Variants in RNF25 observed in about 807,000 individuals in gnomAD.
RNF25 encodes ring finger protein 25.
RNF25 carries 32 observed loss-of-function variants against 65.0 expected under a neutral mutation model. The ratio of observed to expected loss-of-function variants is 0.49; its 90% CI spans 0.37 to 0.66. The LOEUF (loss-of-function observed/expected upper bound fraction) is 0.66, where lower values mean the gene tolerates loss of function less well. Among genes scored for constraint, RNF25 ranks in the 30% least tolerant of loss-of-function variants. RNF25 has a pLI of 0.00. For synonymous variants in RNF25, 207 were observed against 221.2 expected, an observed-to-expected ratio of 0.94 and a Z score of 0.57; for missense variants, 493 against 584.8, an observed-to-expected ratio of 0.84 and a Z score of 1.62.
rs1449658063 is a variant in RNF25 at position 218,665,199 on chromosome 2, C to A, written c.622G>T (p.Asp208Tyr). Residue 208 changes from aspartate to tyrosine, a missense_variant, in exon 8 of 10, where the codon GAT (aspartate) becomes TAT (tyrosine). Asp to Tyr is a radical substitution (Grantham distance 160). Coordinates refer to ENST00000295704, the MANE Select transcript of RNF25 (RefSeq NM_022453.3). ...CPVCREPLVYDLASLKAAPEP... is the reference protein window; with the variant it reads ...CPVCREPLVYYLASLKAAPEP... The stretch of plus-strand genomic sequence containing the variant: ...GGGGCTGCTTTCAGTGAGGCAAGAT[C>A]ATACACGAGGGGCTCTCTGCACACT... The A allele has an allele frequency of 6.2e-7, 1 of 1,614,076 alleles. No individual in the cohort carries two copies. Among genetic ancestry groups the A allele is most frequent in the Admixed American group, 1.7e-5 (1 of 60,000 alleles).
chr2:218,668,546 G>T, intron 2 of RNF25, 59 bp downstream of exon 2: 1 of 1,263,892 alleles, frequency 7.9e-7, no homozygotes, highest in Non-Finnish European at 1.2e-6. Context: ...CCCAAATTCA[G>T]CATAGAACCT....
intron 5 of RNF25, among the ~76,000 whole-genome samples, chr2:218,667,600 G>A (rs866951906): frequency 2.0e-5 from 3 of 152,132 alleles, no homozygotes; most frequent in African/African-American, 2.4e-5. Context: ...AGCAAGATGC[G>A]TATCTTTTGC....
At position 218,664,623 on chromosome 2, in the gene RNF25, C is replaced by T; in HGVS notation, c.802-88G>A. On this transcript the variant is annotated intron_variant, in intron 9 of 9. Transcript: ENST00000295704. This position sits in a 1 kb window ranked among gnomAD's most constrained non-coding sequence, Gnocchi z 5.1. ...CCCCTCTCCTACTATCTGGGCTGAC[C>T]ACGATCAGCCTATCATCTTCCTGGT... 1.3e-6 allele frequency: 2 copies of T among 1,576,668 alleles called. No individual in the cohort carries two copies. The highest frequency in any genetic ancestry group is 8.6e-7 in the Non-Finnish European group (1 of 1,156,766).
rs761260613 is a variant in RNF25, at chr2:218,671,939, T to G, written c.32A>C (p.Glu11Ala). ...ATGCCCCCAAAGTTACCAGTCCTCC[T>G]CCCCTGCAGCTGCAGACGCAGACGC... MAASASAAAG[E>A]EDWVLPSEVE... The change falls in exon 1 of 10, where the codon GAG (glutamate) becomes GCG (alanine). Residue 11 changes from glutamate to alanine, a missense_variant. Around this residue, in one of 3 missense-constraint regions of RNF25, gnomAD observed 34 missense variants for 18.6 expected, o/e 1.83. Coordinates refer to ENST00000295704, the MANE Select transcript of RNF25 (RefSeq NM_022453.3). 8.1e-6 allele frequency: 13 copies of G among 1,614,062 alleles called. No individual in the cohort carries two copies. Among genetic ancestry groups the G allele is most frequent in the Non-Finnish European group, 1.1e-5 (13 of 1,180,016 alleles).
In RNF25 at chr2:218,664,951, CAGG is replaced by C. The variant is rs1193200773; in HGVS notation, c.667-81_667-79del. On this transcript the variant is annotated intron_variant, in intron 8 of 9. Coordinates refer to ENST00000295704, the MANE Select transcript of RNF25 (RefSeq NM_022453.3). This position sits in a 1 kb window ranked among gnomAD's most constrained non-coding sequence, Gnocchi z 5.1. ...AACCTCTACTCCTCCCAGGCTGCCTCAGGAGATCTGCACTGGTTTTGCCCCTCA... is the reference window on the plus strand; with the variant it reads ...AACCTCTACTCCTCCCAGGCTGCCTCAGATCTGCACTGGTTTTGCCCCTCA... The C allele has an allele frequency of 4.8e-5, 76 of 1,579,164 alleles. No homozygotes were observed. Among genetic ancestry groups the C allele is most frequent in the Non-Finnish European group, 6.2e-5 (72 of 1,160,648 alleles).
Position 218,668,248 on chromosome 2 carries a change from G to A in RNF25, c.210C>T (p.Val70=). The change falls in exon 3 of 10, where the codon GTC becomes GTT. Residue 70 remains valine (V), a synonymous_variant. Transcript: ENST00000295704. ...QYVCFTLVLQ[V]PAEYPHEVPQ... ...ACAGTAGGGGCTTCACCTCTGCTGG[G>A]ACCTGAAGCACCAGAGTGAAGCAGA... 6.2e-7 allele frequency: 1 copy of A among 1,614,072 alleles called. No homozygotes were observed. The highest frequency in any genetic ancestry group is 1.1e-5 in the South Asian group (1 of 91,078).
chr2:218,667,956 C>G lies in RNF25; in HGVS notation c.313G>C (p.Ala105Pro). 1 of 1,614,188 alleles carries G rather than the reference C, an allele frequency of 6.2e-7. No homozygotes were observed. Among genetic ancestry groups the G allele is most frequent in the Non-Finnish European group, 8.5e-7 (1 of 1,180,028 alleles). The change falls in exon 5 of 10, where the codon GCC (alanine) becomes CCC (proline). Residue 105 changes from alanine to proline, a missense_variant. Ala to Pro is a conservative substitution (Grantham distance 27). Around this residue, in one of 3 missense-constraint regions of RNF25, gnomAD observed 108 missense variants for 166.0 expected, o/e 0.65. Transcript: ENST00000295704. The stretch of plus-strand genomic sequence containing the variant: ...ATGGCAGTGCCCAGCCCAGCCTTGG[C>G]CACGTGGCCCAGCACCTGTAAGATC... ...HTILQVLGHV[A>P]KAGLGTAMLY... is the part of the protein sequence containing the mutation.
rs1245267539 is a variant in RNF25 at position 218,664,382 on chromosome 2, T to C, written c.955A>G (p.Ile319Val). ...PVATQHICEK[I>V]PGTRSNQQRL... is the part of the protein sequence containing the mutation. ...TGCTGATTTGACCTGGTCCCTGGAA[T>C]CTTCTCACATATGTGCTGGGTCGCC... The change falls in exon 10 of 10, where the codon ATT becomes GTT. Residue 319 changes from isoleucine (I) to valine (V), a missense_variant. Transcript: ENST00000295704. The surrounding 1 kb of genome is among the most constrained non-coding windows in gnomAD (Gnocchi z 5.1). 1 of 1,614,152 alleles carries C rather than the reference T, an allele frequency of 6.2e-7. No individual in the cohort carries two copies. The highest frequency in any genetic ancestry group is 2.2e-5 in the East Asian group (1 of 44,874).
rs1939794446 is a variant in RNF25, at chr2:218,665,163, G to T, written c.658C>A (p.Gln220Lys). 7 of 1,614,176 alleles carry T rather than the reference G, an allele frequency of 4.3e-6. No homozygotes were observed. In the East Asian group the frequency reaches 1.3e-4, roughly 31 times the overall value. The change falls in exon 8 of 10, where the codon CAG becomes AAG. Residue 220 changes from glutamine (Q) to lysine (K), a missense_variant. Gln to Lys is a moderately conservative substitution (Grantham distance 53). Coordinates refer to ENST00000295704, the MANE Select transcript of RNF25 (RefSeq NM_022453.3). ...GAAAAAAGTCTCCTTACCATGGGCT[G>T]TTGGGGTTCAGGGGCTGCTTTCAGT... ...ASLKAAPEPQ[Q>K]PMELYQPSAE...
intron 1 of RNF25, among the ~76,000 whole-genome samples, chr2:218,669,036 C>G (rs751767531): frequency 6.6e-6 from 1 of 152,204 alleles, no homozygotes; most frequent in Non-Finnish European, 1.5e-5. Flanking sequence ...AGATATGGCA[C>G]TCATTCATTA....
At chr2:218,665,374 T>G in intron 7 of RNF25, 127 bp from the exon 8 acceptor site, 1 of 751,858 alleles carries the variant, frequency 1.3e-6, no homozygotes, top group Non-Finnish European at 2.2e-6. Flanking sequence ...CAGCAGTGAG[T>G]TGGGACAGAG....
At chr2:218,669,776 C>T (rs1413602841) in intron 1 of RNF25, among the ~76,000 whole-genome samples, 4 of 152,184 alleles carry the variant, frequency 2.6e-5, no homozygotes, top group Admixed American at 1.3e-4. Flanking sequence ...AAGTCTTAGG[C>T]AGAAACTTCA....
chr2:218,664,851 T>C lies in RNF25; in HGVS notation c.689A>G (p.Glu230Gly), dbSNP rs752596093. Residue 230 changes from glutamate (E) to glycine (G), a missense_variant, in exon 9 of 10, where the codon GAG becomes GGG. Physicochemically the swap from Glu to Gly is moderately conservative, Grantham distance 98. Around this residue, in one of 3 missense-constraint regions of RNF25, gnomAD observed 351 missense variants for 400.2 expected, o/e 0.88. Coordinates refer to ENST00000295704, the MANE Select transcript of RNF25 (RefSeq NM_022453.3). This position sits in a 1 kb window ranked among gnomAD's most constrained non-coding sequence, Gnocchi z 5.1. Reference sequence around the variant, plus strand: ...GCGTTCTTCTTGCTGGCGCAAGCTCTCTGCACTGGGCTGGTACAGCTCCTG... The same window carrying C: ...GCGTTCTTCTTGCTGGCGCAAGCTCCCTGCACTGGGCTGGTACAGCTCCTG... ...QPMELYQPSA[E>G]SLRQQEERKR... 1 of 1,614,236 alleles carries C rather than the reference T, an allele frequency of 6.2e-7. No individual in the cohort carries two copies.
rs1939770954 is a variant in RNF25 at position 218,664,402 on chromosome 2, G to A, written c.935C>T (p.Thr312Ile). The change falls in exon 10 of 10, where the codon ACC (threonine) becomes ATC (isoleucine). Residue 312 changes from threonine to isoleucine, a missense_variant. Physicochemically the swap from Thr to Ile is moderately conservative, Grantham distance 89 (BLOSUM62 -1). Coordinates refer to ENST00000295704, the MANE Select transcript of RNF25 (RefSeq NM_022453.3). This position sits in a 1 kb window ranked among gnomAD's most constrained non-coding sequence, Gnocchi z 5.1. ...STLPPPLPVATQHICEKIPGT... is the reference protein window; with the variant it reads ...STLPPPLPVAIQHICEKIPGT... ...TGGAATCTTCTCACATATGTGCTGG[G>A]TCGCCACAGGCAGAGGAGGTGGCAA... is the stretch of plus-strand genomic sequence containing the variant. 1 of 1,614,208 alleles carries A rather than the reference G, an allele frequency of 6.2e-7. No homozygotes were observed. The highest frequency in any genetic ancestry group is 8.5e-7 in the Non-Finnish European group (1 of 1,180,038).
At position 218,664,009 on chromosome 2, in the gene RNF25, C is replaced by T. The variant is rs138321594; in HGVS notation, c.1328G>A (p.Arg443Gln). 2.4e-4 allele frequency: 356 copies of T among 1,479,062 alleles called. No individual in the cohort carries two copies. The highest frequency in any genetic ancestry group is 2.9e-4 in the Non-Finnish European group (328 of 1,114,332). The allele number at this position is 1,479,062 out of a possible 1,614,324, so 91.6% of individuals were successfully genotyped here. Residue 443 changes from arginine (R) to glutamine (Q), a missense_variant, in exon 10 of 10, where the codon CGG becomes CAG. Arg to Gln is a conservative substitution (Grantham distance 43). Transcript: ENST00000295704. This position sits in a 1 kb window ranked among gnomAD's most constrained non-coding sequence, Gnocchi z 5.1. ...PRLPRGQGAY[R>Q]PGTRRESLGL... The stretch of plus-strand genomic sequence containing the variant: ...CAGGGACTCCCTCCGAGTACCAGGC[C>T]GGTATGCTCCCTGGCCCCGAGGCAG...
At position 218,664,320 on chromosome 2, in the gene RNF25, G is replaced by C; in HGVS notation, c.1017C>G (p.Pro339=). 1 of 1,614,068 alleles carries C rather than the reference G, an allele frequency of 6.2e-7. No homozygotes were observed. ...GCCAGGGACCTCGACTGGGCTTGGG[G>C]GGATCTAGCATAGCTTTCTGGGTTT... ...LGETQKAMLD[P]PKPSRGPWRQ... The change falls in exon 10 of 10, where the codon CCC becomes CCG. Residue 339 remains proline (P), a synonymous_variant. Coordinates refer to ENST00000295704, the MANE Select transcript of RNF25 (RefSeq NM_022453.3). This position sits in a 1 kb window ranked among gnomAD's most constrained non-coding sequence, Gnocchi z 5.1.
At chr2:218,666,134 G>A (rs771829514) in intron 6 of RNF25, 25 bp downstream of exon 6, 76 of 1,612,202 alleles carry the variant, frequency 4.7e-5, no homozygotes, top group Admixed American at 4.2e-4. Context: ...CAAACAGAAT[G>A]CCAGGTCCCA....
chr2:218,664,570 G>A lies in RNF25; in HGVS notation c.802-35C>T, dbSNP rs114550477. On this transcript the variant is annotated intron_variant, in intron 9 of 9. Transcript: ENST00000295704. The surrounding 1 kb of genome is among the most constrained non-coding windows in gnomAD (Gnocchi z 5.1). ...AGTGACAAGATGCAGTGAGGGAGAT[G>A]CAGTTCCTCAAGGTGGGGAACTACA... 126 of 1,595,152 alleles carry A rather than the reference G, an allele frequency of 7.9e-5. No individual in the cohort carries two copies. In the African/African-American group the frequency reaches 1.5e-3, roughly 19 times the overall value.
Position 218,663,949 on chromosome 2 carries a change from A to G in RNF25, c.*8T>C, listed in dbSNP as rs1939752208. The G allele has an allele frequency of 7.0e-7, 1 of 1,430,300 alleles. No homozygotes were observed. The highest frequency in any genetic ancestry group is 9.2e-7 in the Non-Finnish European group (1 of 1,089,244). 88.6% of individuals were successfully genotyped at this position (1,430,300 alleles called of 1,614,324 possible). On this transcript the variant is annotated 3_prime_UTR_variant, in exon 10 of 10. Transcript: ENST00000295704. ...TCCCCAATTCCCTGTTCCCCCCACC[A>G]AGTCCTGCTAGGAACCATCCTTAGA...
Sources: allele counts gnomAD v4.1 joint callset (sites outside exome capture counted in the v4.1 genomes callset), GRCh38; gene constraint gnomAD v4.1.1; regional missense constraint gnomAD v4.1.1; non-coding constraint Gnocchi (gnomAD v3.1); transcripts MANE v1.5; gene names NCBI Gene and HGNC (gene_info 2026-07-23, HGNC 2026-07-21).